PITPNM2: variants seen among roughly 807,000 people sequenced by gnomAD.
PITPNM2 encodes the protein phosphatidylinositol transfer protein membrane associated 2.
A neutral mutation model predicts 132.2 loss-of-function variants in PITPNM2; 35 were observed. That is an observed-to-expected ratio of 0.26 (90% confidence interval 0.20 to 0.35). The LOEUF (loss-of-function observed/expected upper bound fraction) is 0.35, where lower values mean the gene tolerates loss of function less well. Ranked by LOEUF, PITPNM2 falls within the 10% of genes least tolerant of loss-of-function variation. PITPNM2 has a pLI of 1.00. For synonymous variants in PITPNM2, 738 were observed against 799.2 expected, an observed-to-expected ratio of 0.92 and a Z score of 1.29; for missense variants, 1,332 against 1,912.0, an observed-to-expected ratio of 0.70 and a Z score of 5.66.
chr12:123,052,171 C>A lies in PITPNM2; in HGVS notation c.-95-17486G>T, dbSNP rs147017612. On this transcript the variant is annotated intron_variant, in intron 2 of 25. Transcript: ENST00000320201. ...TGAACTCCTGACCTCAGATGATCTG[C>A]CTGCCTCGACCTCCCAAAGTGCTGG... Among the ~76,000 whole-genome samples, 458 of 148,272 alleles carry A rather than the reference C, an allele frequency of 3.1e-3. 4 individuals carry two copies. Among genetic ancestry groups the A allele is most frequent in the African/African-American group, 0.011 (425 of 40,162 alleles).
In PITPNM2 at chr12:122,992,027, G is replaced by T; in HGVS notation, c.2404+472C>A. 1.1e-6 allele frequency: 1 copy of T among 878,568 alleles called. No individual in the cohort carries two copies. Among genetic ancestry groups the T allele is most frequent in the Non-Finnish European group, 1.5e-6 (1 of 659,926 alleles). The allele number at this position is 878,568 out of a possible 1,614,324, so 54.4% of individuals were successfully genotyped here. ...GTGACAAGACGCTGGGACACACGCT[G>T]GGGCAGGGGTCGGGCCAAGCCTACC... is the stretch of plus-strand genomic sequence containing the variant. On this transcript the variant is annotated intron_variant, in intron 16 of 25. Coordinates refer to ENST00000320201, the MANE Select transcript of PITPNM2 (RefSeq NM_020845.3). This position sits in a 1 kb window ranked among gnomAD's most constrained non-coding sequence, Gnocchi z 6.5.
chr12:123,035,574 G>T (rs1322998568), intron 2 of PITPNM2, among the ~76,000 whole-genome samples: 1 of 151,954 alleles, frequency 6.6e-6, no homozygotes, highest in South Asian at 2.1e-4. Context: ...GCTGAGGCAG[G>T]AGAATCGCTT....
intron 2 of PITPNM2, among the ~76,000 whole-genome samples, chr12:123,052,077 G>GTTT (rs10606016): frequency 6.7e-4 from 67 of 100,606 alleles, no homozygotes; most frequent in South Asian, 1.1e-3. Flanking sequence ...TAATTTTATT[G>GTTT]TTTTTTTTTT....
chr12:122,990,745 A>T (rs1376976317), intron 16 of PITPNM2, 36 bp from the exon 17 acceptor site: 1 of 1,558,336 alleles, frequency 6.4e-7, no homozygotes. Flanking sequence ...CAGGTAAGAG[A>T]GGCCCTGCCC....
chr12:123,104,640 G>A (rs973088105), intron 2 of PITPNM2, among the ~76,000 whole-genome samples: 1 of 151,904 alleles, frequency 6.6e-6, no homozygotes, highest in Non-Finnish European at 1.5e-5. Context: ...CCCTTTGACT[G>A]TAATTTTCCT....
rs1362317448 is a variant in PITPNM2, at chr12:123,038,522, T to C, written c.-95-3837A>G. Among the ~76,000 whole-genome samples, 11 of 152,222 alleles carry C rather than the reference T, an allele frequency of 7.2e-5. 1 individual carries two copies. In the South Asian group the frequency reaches 1.9e-3, roughly 26 times the overall value. ...ATGAGTGTCATGAAAACAAGATAAG[T>C]TGCTCAGTCCAGAGGGGTCTCAGGA... is the stretch of plus-strand genomic sequence containing the variant. On this transcript the variant is annotated intron_variant, in intron 2 of 25. Coordinates refer to ENST00000320201, the MANE Select transcript of PITPNM2 (RefSeq NM_020845.3).
intron 2 of PITPNM2, among the ~76,000 whole-genome samples, chr12:123,049,137 A>AAC (rs35784732): frequency 0.094 from 13,781 of 146,760 alleles, 810 homozygotes; most frequent in Admixed American, 0.16. Flanking sequence ...CTGTCTCTAA[A>AAC]ACACACACAC....
In PITPNM2 at chr12:123,078,230, A is replaced by C. The variant is rs1198376400; in HGVS notation, c.-96+32155T>G. ...GGCGGGCGGAGGAGCCATATGCCAG[A>C]GGGAAGGCATCAGCAGAGAGCCAAT... is the stretch of plus-strand genomic sequence containing the variant. On this transcript the variant is annotated intron_variant, in intron 2 of 25. Transcript: ENST00000320201. The surrounding 1 kb of genome is among the most constrained non-coding windows in gnomAD (Gnocchi z 7.3). Among the ~76,000 whole-genome samples the C allele has an allele frequency of 2.0e-5, 3 of 152,164 alleles. No homozygotes were observed. Among genetic ancestry groups the C allele is most frequent in the Non-Finnish European group, 4.4e-5 (3 of 68,026 alleles).
intron 2 of PITPNM2, among the ~76,000 whole-genome samples, chr12:123,041,321 G>A (rs1012026887): frequency 2.5e-4 from 38 of 152,262 alleles, no homozygotes; most frequent in African/African-American, 8.7e-4. Flanking sequence ...TGAGATATAG[G>A]GCCTGTGGGC....
In PITPNM2 at chr12:123,008,148, TC is replaced by T. The variant is rs2039020917; in HGVS notation, c.643+1701del. ...TCAGGCCTGGACTCTAAAGTTGTCT[TC>T]TTTCTTCCCACCAGCCACAAGCTCC... On this transcript the variant is annotated intron_variant, in intron 6 of 25. Coordinates refer to ENST00000320201, the MANE Select transcript of PITPNM2 (RefSeq NM_020845.3). The surrounding 1 kb of genome is among the most constrained non-coding windows in gnomAD (Gnocchi z 4.1). Among the ~76,000 whole-genome samples the T allele has an allele frequency of 6.6e-6, 1 of 152,198 alleles. No individual in the cohort carries two copies. Among genetic ancestry groups the T allele is most frequent in the Non-Finnish European group, 1.5e-5 (1 of 68,036 alleles).
chr12:123,110,769 C>T (rs536707960), intron 1 of PITPNM2, among the ~76,000 whole-genome samples: 1 of 152,318 alleles, frequency 6.6e-6, no homozygotes, highest in East Asian at 1.9e-4. Flanking sequence ...CCAGCACACA[C>T]CATAAGCCAT....
At chr12:122,995,864 G>A (rs974207043) in intron 13 of PITPNM2, among the ~76,000 whole-genome samples, 4 of 152,208 alleles carry the variant, frequency 2.6e-5, no homozygotes, top group African/African-American at 7.2e-5. Flanking sequence ...TCTACAGGCC[G>A]TTTTCCACTA....
chr12:123,132,807 GT>G (rs2043297453), intron 1 of PITPNM2, among the ~76,000 whole-genome samples: 2 of 152,030 alleles, frequency 1.3e-5, no homozygotes, highest in South Asian at 2.1e-4. Context: ...CATTTAAAAT[GT>G]TTTCAAGGTT....
intron 5 of PITPNM2, among the ~76,000 whole-genome samples, chr12:123,010,362 G>A (rs1225574621): frequency 2.0e-5 from 3 of 152,164 alleles, no homozygotes; most frequent in African/African-American, 7.2e-5. Context: ...GAGATTACAG[G>A]TATGAGCCAA....
intron 3 of PITPNM2, among the ~76,000 whole-genome samples, chr12:123,028,519 G>A (rs189927637): frequency 2.0e-5 from 3 of 152,324 alleles, no homozygotes; most frequent in Admixed American, 6.5e-5. Flanking sequence ...GTGCTGAAAC[G>A]TATGTGAAAT....
At chr12:123,032,370 C>G (rs1630820) in intron 3 of PITPNM2, among the ~76,000 whole-genome samples, 115,194 of 152,054 alleles carry the variant, frequency 0.76, 43,797 homozygotes, top group East Asian at 0.85. Context: ...CCAGCTACTC[C>G]GGAGGCTGAG....
rs111929455 is a variant in PITPNM2 at position 122,987,497 on chromosome 12, G to T, written c.3263+14C>A. The T allele has an allele frequency of 6.4e-4, 1,036 of 1,611,462 alleles. 4 individuals are homozygous for T. In the African/African-American group the frequency reaches 0.011, roughly 17 times the overall value. The stretch of plus-strand genomic sequence containing the variant: ...TCGCCCTGCCTATCCCGCCCTCCCA[G>T]TGCAGGCATATACCTGACCACCATC... On this transcript the variant is annotated intron_variant, in intron 22 of 25. Transcript: ENST00000320201.
At chr12:123,024,998 G>A (rs1390891653) in intron 3 of PITPNM2, among the ~76,000 whole-genome samples, 4 of 152,120 alleles carry the variant, frequency 2.6e-5, no homozygotes. Context: ...AAGCAGGAAG[G>A]GGCCTCGCTG....
intron 1 of PITPNM2, among the ~76,000 whole-genome samples, chr12:123,134,633 C>T (rs1197124991): frequency 6.7e-6 from 1 of 148,150 alleles, no homozygotes. Flanking sequence ...TTCCCACTTA[C>T]AAGGGAAAAA....
Sources: allele counts gnomAD v4.1 joint callset (sites outside exome capture counted in the v4.1 genomes callset), GRCh38; gene constraint gnomAD v4.1.1; non-coding constraint Gnocchi (gnomAD v3.1); transcripts MANE v1.5; gene names NCBI Gene and HGNC (gene_info 2026-07-23, HGNC 2026-07-21).